MYLK: variants seen among roughly 807,000 people sequenced by gnomAD.
The protein encoded by MYLK is myosin light chain kinase, smooth muscle.
A neutral mutation model predicts 203.4 loss-of-function variants in MYLK; 106 were observed. That is an observed-to-expected ratio of 0.52 (90% CI 0.45 to 0.61). MYLK has a LOEUF of 0.61. Ranked by LOEUF, MYLK falls within the 20% of genes least tolerant of loss-of-function variation. The probability of loss-of-function intolerance (pLI) is 0.00; values close to 1 mark genes in which losing one functional copy is unlikely to be tolerated. For synonymous variants in MYLK, 867 were observed against 959.5 expected, an observed-to-expected ratio of 0.90 and a Z score of 1.78; for missense variants, 2,072 against 2,442.3, an observed-to-expected ratio of 0.85 and a Z score of 3.20.
intron 3 of MYLK, 193 bp from the exon 4 acceptor site, chr3:123,794,037 A>G: frequency 1.5e-6 from 1 of 663,542 alleles, no homozygotes; most frequent in Non-Finnish European, 2.6e-6. Flanking sequence ...TGCCAGGACA[A>G]GGCAGAGCCC....
At chr3:123,759,898 G>A (rs2063480836) in intron 4 of MYLK, among the ~76,000 whole-genome samples, 1 of 152,226 alleles carries the variant, frequency 6.6e-6, no homozygotes, top group East Asian at 1.9e-4. Context: ...AGAGTTGACA[G>A]AGCTGTGGTA....
Position 123,629,722 on chromosome 3 carries a change from T to C in MYLK, c.4962-96A>G, listed in dbSNP as rs2058331109. 1.5e-6 allele frequency: 2 copies of C among 1,327,438 alleles called. No individual in the cohort carries two copies. Among genetic ancestry groups the C allele is most frequent in the Non-Finnish European group, 1.1e-6 (1 of 928,646 alleles). 82.2% of individuals were successfully genotyped at this position (1,327,438 alleles called of 1,614,324 possible). A position where few individuals can be genotyped will look rare whatever the true frequency, so the allele number is the denominator to read the frequency against. Reference sequence around the variant, plus strand: ...GGTCAAAGGCGAGGGTCGGCCAGCCTCCCCACCCCCAAACTCATGCTCTGT... The same window carrying C: ...GGTCAAAGGCGAGGGTCGGCCAGCCCCCCCACCCCCAAACTCATGCTCTGT... On this transcript the variant is annotated intron_variant, in intron 29 of 33. Coordinates refer to ENST00000360304, the MANE Select transcript of MYLK (RefSeq NM_053025.4). This position sits in a 1 kb window ranked among gnomAD's most constrained non-coding sequence, Gnocchi z 4.4.
chr3:123,775,873 T>C (rs2109006606), intron 4 of MYLK, among the ~76,000 whole-genome samples: 1 of 152,182 alleles, frequency 6.6e-6, no homozygotes, highest in East Asian at 1.9e-4. Flanking sequence ...CAGCCTTTGG[T>C]TTTCACTTCT....
At chr3:123,731,147 G>A (rs1465369245) in intron 11 of MYLK, among the ~76,000 whole-genome samples, 2 of 152,154 alleles carry the variant, frequency 1.3e-5, no homozygotes, top group Admixed American at 1.3e-4. Context: ...CCTGGATGAT[G>A]AGGCTTGATC....
chr3:123,831,242 G>C (rs189034015), intron 3 of MYLK, among the ~76,000 whole-genome samples: 1 of 152,352 alleles, frequency 6.6e-6, no homozygotes, highest in Non-Finnish European at 1.5e-5. Context: ...AGTGTGAACA[G>C]TTTCTAGCAG....
chr3:123,653,910 CCACAGA>C (rs1300868772), intron 24 of MYLK, among the ~76,000 whole-genome samples: 2 of 152,072 alleles, frequency 1.3e-5, no homozygotes, highest in African/African-American at 4.8e-5. Context: ...CATCCTAACA[CCACAGA>C]CTGGAACTTG....
intron 18 of MYLK, among the ~76,000 whole-genome samples, chr3:123,695,541 GATAAT>G (rs111976329): frequency 0.021 from 3,180 of 152,302 alleles, 124 homozygotes; most frequent in African/African-American, 0.073. Context: ...TATTGAAAAA[GATAAT>G]ATATAGTTTC....
At chr3:123,621,751 C>T (rs2057872965) in intron 31 of MYLK, 1 of 152,224 alleles carries the variant, frequency 6.6e-6, no homozygotes, top group Non-Finnish European at 1.5e-5. Flanking sequence ...TGCTCTGTCC[C>T]CTGGCCATCC....
Position 123,708,730 on chromosome 3 carries a change from T to A in MYLK, c.2108A>T (p.Glu703Val). The change falls in exon 15 of 34, where the codon GAG (glutamate) becomes GTG (valine). Residue 703 changes from glutamate to valine, a missense_variant. This residue lies in a region of MYLK where 865 missense variants were observed against 1,016.0 expected (regional missense o/e 0.85). Transcript: ENST00000360304. ...YTCEAWNSAG[E>V]VRTQAVLTVQ... The stretch of plus-strand genomic sequence containing the variant: ...CGTGAGCACGGCCTGGGTGCGGACC[T>A]CTCCAGCGCTGTTCCAGGCCTCGCA... The A allele has an allele frequency of 6.2e-7, 1 of 1,614,142 alleles. No homozygotes were observed. The highest frequency in any genetic ancestry group is 8.5e-7 in the Non-Finnish European group (1 of 1,180,014).
intron 23 of MYLK, among the ~76,000 whole-genome samples, chr3:123,663,394 A>ATGG (rs143016108): frequency 0.013 from 1,934 of 152,182 alleles, 40 homozygotes; most frequent in African/African-American, 0.045. Flanking sequence ...CTGCAGACTA[A>ATGG]TGGGGCGTGG....
intron 5 of MYLK, among the ~76,000 whole-genome samples, chr3:123,744,945 AAT>A: frequency 6.6e-6 from 1 of 152,318 alleles, no homozygotes; most frequent in African/African-American, 2.4e-5. Flanking sequence ...TTTTCAGAGC[AAT>A]AGTGTAGTAA....
intron 2 of MYLK, among the ~76,000 whole-genome samples, chr3:123,839,128 A>G (rs2066535828): frequency 6.6e-6 from 1 of 152,018 alleles, no homozygotes; most frequent in Admixed American, 6.6e-5. Flanking sequence ...ATCTCAATAA[A>G]TACAAAGGCA....
In MYLK at chr3:123,648,914, T is replaced by G; in HGVS notation, c.4415+57A>C. ...GAAGCTGAGGCACTGAATCTAACTG[T>G]GAGACCCGCACCACCCTCACCCTGG... On this transcript the variant is annotated intron_variant, in intron 26 of 33. Coordinates refer to ENST00000360304, the MANE Select transcript of MYLK (RefSeq NM_053025.4). The surrounding 1 kb of genome is among the most constrained non-coding windows in gnomAD (Gnocchi z 4.5). 30 of 1,469,826 alleles carry G rather than the reference T, an allele frequency of 2.0e-5. No homozygotes were observed. The highest frequency in any genetic ancestry group is 2.7e-5 in the Non-Finnish European group (28 of 1,050,314). The allele number at this position is 1,469,826 out of a possible 1,614,324, so 91.0% of individuals were successfully genotyped here. A position where few individuals can be genotyped will look rare whatever the true frequency, so the allele number is the denominator to read the frequency against.
chr3:123,815,150 C>T (rs1042502636), intron 3 of MYLK, among the ~76,000 whole-genome samples: 1 of 152,166 alleles, frequency 6.6e-6, no homozygotes, highest in African/African-American at 2.4e-5. Flanking sequence ...TCAAGAACTT[C>T]AATTACTGAG....
At chr3:123,688,794 T>C (rs1191291713) in intron 19 of MYLK, among the ~76,000 whole-genome samples, 1 of 152,120 alleles carries the variant, frequency 6.6e-6, no homozygotes, top group South Asian at 2.1e-4. Flanking sequence ...CTTCCCTGCT[T>C]CCTTCAGTCT....
chr3:123,845,810 T>C (rs1577112728), intron 2 of MYLK, among the ~76,000 whole-genome samples: 1 of 152,294 alleles, frequency 6.6e-6, no homozygotes, highest in African/African-American at 2.4e-5. Flanking sequence ...CACACTTCTA[T>C]GCCCAGCTAA....
intron 31 of MYLK, 138 bp from the exon 32 acceptor site, chr3:123,620,474 T>C: frequency 6.3e-7 from 1 of 1,574,914 alleles, no homozygotes; most frequent in South Asian, 1.1e-5. Flanking sequence ...GAGCCGAGGT[T>C]CTGCCAGAGG....
intron 9 of MYLK, 159 bp from the exon 10 acceptor site, chr3:123,734,381 GC>G: frequency 1.4e-6 from 1 of 717,616 alleles, no homozygotes; most frequent in Non-Finnish European, 2.1e-6. Context: ...TCTGCAGTTT[GC>G]CCAGTTTCCC....
intron 24 of MYLK, among the ~76,000 whole-genome samples, chr3:123,653,254 C>G (rs551466999): frequency 2.0e-5 from 3 of 152,120 alleles, no homozygotes; most frequent in Non-Finnish European, 2.9e-5. Flanking sequence ...CACACACACA[C>G]GTGCGTGAAC....
Sources: allele counts gnomAD v4.1 joint callset (sites outside exome capture counted in the v4.1 genomes callset), GRCh38; gene constraint gnomAD v4.1.1; regional missense constraint gnomAD v4.1.1; non-coding constraint Gnocchi (gnomAD v3.1); transcripts MANE v1.5; gene names NCBI Gene and HGNC (gene_info 2026-07-23, HGNC 2026-07-21).